TTC12: variants seen among roughly 807,000 people sequenced by gnomAD.
TTC12 encodes tetratricopeptide repeat protein 12.
Under a neutral mutation model 90.1 loss-of-function variants are expected in TTC12, and 70 were observed. The ratio of observed to expected loss-of-function variants is 0.78; its 90% CI spans 0.64 to 0.95. The LOEUF is 0.95. Ranked by LOEUF, TTC12 falls within the 40% of genes least tolerant of loss-of-function variation. The probability of loss-of-function intolerance (pLI) is 0.00; values close to 1 mark genes in which losing one functional copy is unlikely to be tolerated. For synonymous variants in TTC12, 296 were observed against 311.5 expected (o/e 0.95, Z 0.53); for missense variants, 819 against 846.1 (o/e 0.97, Z 0.40).
chr11:113,353,358 T>C (rs1468354432), intron 16 of TTC12, among the ~76,000 whole-genome samples: 3 of 152,204 alleles, frequency 2.0e-5, no homozygotes, highest in African/African-American at 4.8e-5. Flanking sequence ...TTATAGATGC[T>C]GGATATTAGA....
intron 13 of TTC12, among the ~76,000 whole-genome samples, chr11:113,349,147 G>A (rs1046241202): frequency 1.6e-4 from 25 of 152,208 alleles, no homozygotes; most frequent in African/African-American, 6.0e-4. Flanking sequence ...CGAATGAATA[G>A]CTAACACTAC....
At chr11:113,324,297 C>T in intron 4 of TTC12, 1 of 537,798 alleles carries the variant, frequency 1.9e-6, no homozygotes, top group Non-Finnish European at 3.3e-6. Context: ...TGTTGCTCAG[C>T]TCAGAAGCTC....
intron 12 of TTC12, among the ~76,000 whole-genome samples, chr11:113,342,146 TCTC>T (rs1300672032): frequency 6.6e-6 from 1 of 152,304 alleles, no homozygotes; most frequent in Non-Finnish European, 1.5e-5. Flanking sequence ...TAATGAGTGG[TCTC>T]CTCTCTCCTC....
At chr11:113,368,667 G>A (rs761055243), downstream of TTC12, 61 of 663,024 alleles carry the variant, frequency 9.2e-5, no homozygotes, top group Middle Eastern at 4.0e-4. Context: ...GAGGTTCAGA[G>A]TTGAGAGGAA....
At chr11:113,370,768 T>A (rs1342066356), downstream of TTC12, among the ~76,000 whole-genome samples, 1 of 152,210 alleles carries the variant, frequency 6.6e-6, no homozygotes, top group Non-Finnish European at 1.5e-5. Flanking sequence ...GGAGCAGGGC[T>A]CCTGTCACCA....
intron 2 of TTC12, among the ~76,000 whole-genome samples, chr11:113,319,292 A>G (rs1242384264): frequency 6.6e-6 from 1 of 152,206 alleles, no homozygotes. Context: ...TGTCAAGGTC[A>G]TCAAAATAAG....
chr11:113,334,336 C>T (rs930548904), intron 7 of TTC12, among the ~76,000 whole-genome samples: 6 of 152,054 alleles, frequency 3.9e-5, no homozygotes, highest in African/African-American at 1.4e-4. Flanking sequence ...GGTCTAGTTT[C>T]AGCCATAAGT....
intron 8 of TTC12, among the ~76,000 whole-genome samples, chr11:113,338,323 C>T (rs1555144683): frequency 6.6e-6 from 1 of 152,170 alleles, no homozygotes; most frequent in East Asian, 1.9e-4. Context: ...CTCTTCGCAG[C>T]TTGTACATTT....
At chr11:113,337,627 G>A (rs528996521) in intron 8 of TTC12, among the ~76,000 whole-genome samples, 40 of 152,244 alleles carry the variant, frequency 2.6e-4, no homozygotes, top group Non-Finnish European at 4.7e-4. Context: ...AAGGACTTTG[G>A]CTTTTACTTT....
At chr11:113,362,536 T>G (rs1949996765) in intron 19 of TTC12, 34 bp downstream of exon 19, 1 of 1,370,576 alleles carries the variant, frequency 7.3e-7, no homozygotes, top group Admixed American at 1.7e-5. Flanking sequence ...ACCCCTGAAA[T>G]GTACAGAAGT....
intron 6 of TTC12, among the ~76,000 whole-genome samples, chr11:113,326,315 G>C (rs1160956633): frequency 6.6e-6 from 1 of 152,166 alleles, no homozygotes; most frequent in Non-Finnish European, 1.5e-5. Flanking sequence ...CATCACCTGT[G>C]ACCTTATCTT....
intron 2 of TTC12, among the ~76,000 whole-genome samples, chr11:113,320,480 C>T (rs532097733): frequency 2.6e-5 from 4 of 152,278 alleles, no homozygotes; most frequent in African/African-American, 9.6e-5. Flanking sequence ...GATGGCCAGG[C>T]TCCAGGGGAA....
chr11:113,365,202 A>G (rs1279405259), intron 21 of TTC12, 142 bp downstream of exon 21: 1 of 718,096 alleles, frequency 1.4e-6, no homozygotes. Flanking sequence ...GGTTAAGCCC[A>G]GTAGCTGCTT....
At chr11:113,318,235 CAG>C (rs145066518) in intron 2 of TTC12, among the ~76,000 whole-genome samples, 3,472 of 152,316 alleles carry the variant, frequency 0.023, 118 homozygotes, top group African/African-American at 0.078. Context: ...ATATGAGACA[CAG>C]AGAATTACAA....
intron 21 of TTC12, 92 bp downstream of exon 21, chr11:113,365,152 G>A (rs1591222245): frequency 1.2e-5 from 14 of 1,132,018 alleles, no homozygotes; most frequent in Non-Finnish European, 1.8e-5. Flanking sequence ...ATGCCACACA[G>A]AACAGTGTGG....
chr11:113,373,214 A>G lies in TTC12; in HGVS notation c.*211A>G, dbSNP rs887110866. 6 of 985,298 alleles carry G rather than the reference A, an allele frequency of 6.1e-6. No homozygotes were observed. In the Admixed American group the frequency reaches 1.8e-4, roughly 30 times the overall value. 61.0% of individuals were successfully genotyped at this position (985,298 alleles called of 1,614,324 possible). A position where few individuals can be genotyped will look rare whatever the true frequency, so the allele number is the denominator to read the frequency against. ...CCCCACTCCACATGCAACTGTCCCC[A>G]ACCCATGCGATTCATCCTTTCCCTG... On this transcript the variant is annotated 3_prime_UTR_variant, in exon 22 of 22. Transcript: ENST00000314756.
At chr11:113,335,398 C>T (rs1157906713) in intron 8 of TTC12, among the ~76,000 whole-genome samples, 2 of 152,122 alleles carry the variant, frequency 1.3e-5, no homozygotes, top group African/African-American at 4.8e-5. Flanking sequence ...TATTATATAT[C>T]GTTAAAAGTA....
intron 2 of TTC12, among the ~76,000 whole-genome samples, chr11:113,319,263 ATGTCAAGGTCATCAAAAC>A (rs1947141033): frequency 6.6e-6 from 1 of 152,222 alleles, no homozygotes; most frequent in African/African-American, 2.4e-5. Context: ...AACTCATAGA[ATGTCAAGGTCATCAAAAC>A]TGTCAAGGTC....
intron 5 of TTC12, 63 bp downstream of exon 5, chr11:113,324,745 G>C (rs1306495064): frequency 5.6e-6 from 8 of 1,430,078 alleles, no homozygotes; most frequent in Non-Finnish European, 6.8e-6. Context: ...GCACACGAAG[G>C]CCTGTATGCT....
Sources: allele counts gnomAD v4.1 joint callset (sites outside exome capture counted in the v4.1 genomes callset), GRCh38; gene constraint gnomAD v4.1.1; transcripts MANE v1.5; gene names NCBI Gene and HGNC (gene_info 2026-07-23, HGNC 2026-07-21).